The following GUCY1A2 variants were observed in gnomAD, a reference collection of about 807,000 sequenced individuals.
The protein encoded by GUCY1A2 is guanylate cyclase 1 soluble subunit alpha 2.
Under a neutral mutation model 63.5 loss-of-function variants are expected in GUCY1A2, and 27 were observed. That is an observed-to-expected ratio of 0.43 (90% CI 0.31 to 0.59). The LOEUF (loss-of-function observed/expected upper bound fraction) is 0.59, where lower values mean the gene tolerates loss of function less well. Among genes scored for constraint, GUCY1A2 ranks in the 20% least tolerant of loss-of-function variants. The pLI is 0.11. For synonymous variants in GUCY1A2, 364 were observed against 343.5 expected (o/e 1.06, Z -0.66); for missense variants, 768 against 913.3 (o/e 0.84, Z 2.05).
intron 3 of GUCY1A2, among the ~76,000 whole-genome samples, chr11:106,961,161 CCT>C (rs1234447472): frequency 6.6e-6 from 1 of 152,048 alleles, no homozygotes; most frequent in Non-Finnish European, 1.5e-5. Flanking sequence ...CAACTTGTGT[CCT>C]GCCACTCACC....
At chr11:106,987,250 T>G (rs1861413585) in intron 1 of GUCY1A2, among the ~76,000 whole-genome samples, 1 of 152,204 alleles carries the variant, frequency 6.6e-6, no homozygotes. Context: ...AAAGGCAATC[T>G]GCAGAAAGGG....
chr11:106,812,387 C>A (rs1202020130), intron 4 of GUCY1A2, among the ~76,000 whole-genome samples: 2 of 151,522 alleles, frequency 1.3e-5, no homozygotes, highest in African/African-American at 4.8e-5. Context: ...TGGAGTTACA[C>A]TTTTTTCACC....
At chr11:106,948,991 A>T (rs1464978012) in intron 3 of GUCY1A2, among the ~76,000 whole-genome samples, 1 of 152,206 alleles carries the variant, frequency 6.6e-6, no homozygotes, top group Non-Finnish European at 1.5e-5. Flanking sequence ...CATATAAAAA[A>T]GATGTAAAAA....
intron 4 of GUCY1A2, among the ~76,000 whole-genome samples, chr11:106,936,060 A>G (rs1380727080): frequency 6.6e-6 from 1 of 152,146 alleles, no homozygotes; most frequent in African/African-American, 2.4e-5. Flanking sequence ...GCCTGTTGAT[A>G]CTTTCACCAC....
intron 7 of GUCY1A2, among the ~76,000 whole-genome samples, chr11:106,700,512 GC>G (rs1209742372): frequency 6.6e-6 from 1 of 152,044 alleles, no homozygotes; most frequent in African/African-American, 2.4e-5. Flanking sequence ...ACTTTTATTG[GC>G]ACATTTAAAA....
At chr11:106,905,568 A>G (rs1860193404) in intron 4 of GUCY1A2, among the ~76,000 whole-genome samples, 1 of 152,060 alleles carries the variant, frequency 6.6e-6, no homozygotes. Flanking sequence ...AGTCCATATC[A>G]CTTAGAGAAT....
intron 4 of GUCY1A2, among the ~76,000 whole-genome samples, chr11:106,909,304 A>C (rs1388020538): frequency 6.6e-6 from 1 of 150,596 alleles, no homozygotes; most frequent in African/African-American, 2.4e-5. Flanking sequence ...TGGAAACAAT[A>C]TTGACATTGA....
At chr11:106,971,112 C>T (rs188000438) in intron 3 of GUCY1A2, among the ~76,000 whole-genome samples, 6 of 151,788 alleles carry the variant, frequency 4.0e-5, no homozygotes, top group African/African-American at 9.7e-5. Flanking sequence ...TAGAAGAGTG[C>T]AAGTATTTGG....
chr11:106,847,205 A>G (rs1259681783), intron 4 of GUCY1A2, among the ~76,000 whole-genome samples: 2 of 144,514 alleles, frequency 1.4e-5, no homozygotes, highest in Non-Finnish European at 3.0e-5. Context: ...CAAGATACAC[A>G]TTTGTTATAG....
intron 4 of GUCY1A2, among the ~76,000 whole-genome samples, chr11:106,889,789 T>G (rs766360703): frequency 5.9e-5 from 9 of 152,194 alleles, no homozygotes; most frequent in Non-Finnish European, 1.0e-4. Context: ...CTAAAGAAAC[T>G]GAAGCCTATA....
At chr11:106,948,009 A>T (rs1465016855) in intron 3 of GUCY1A2, among the ~76,000 whole-genome samples, 1 of 152,164 alleles carries the variant, frequency 6.6e-6, no homozygotes, top group South Asian at 2.1e-4. Context: ...GACGAATTAG[A>T]TAAATCAGAA....
chr11:107,001,072 A>G (rs1437296002), intron 1 of GUCY1A2, among the ~76,000 whole-genome samples: 4 of 152,222 alleles, frequency 2.6e-5, no homozygotes, highest in Non-Finnish European at 5.9e-5. Flanking sequence ...GGTAATATGA[A>G]TTTTTCTTCC....
intron 3 of GUCY1A2, among the ~76,000 whole-genome samples, chr11:106,963,591 A>T (rs886850226): frequency 6.6e-6 from 1 of 152,194 alleles, no homozygotes; most frequent in Non-Finnish European, 1.5e-5. Flanking sequence ...TTTCATCCTT[A>T]ATCTCCATAT....
intron 1 of GUCY1A2, among the ~76,000 whole-genome samples, chr11:107,016,794 G>A (rs950696848): frequency 4.6e-5 from 7 of 152,162 alleles, no homozygotes; most frequent in Non-Finnish European, 8.8e-5. Context: ...AGGTACAGGT[G>A]CAAGAAGTAC....
At position 106,815,332 on chromosome 11, in the gene GUCY1A2, T is replaced by C. The variant is rs573299601; in HGVS notation, c.1207-4854A>G. 4.6e-5 allele frequency among the ~76,000 whole-genome samples: 7 copies of C among 152,066 alleles called. No homozygotes were observed. The South Asian group carries it at 6.2e-4, about 14-fold the overall frequency. On this transcript the variant is annotated intron_variant, in intron 4 of 7. Transcript: ENST00000526355. ...TCATATCCTAAGAGTTCCAAAAGTA[T>C]AGGGGAGAGTGAGGTTGAAATAGTA...
In GUCY1A2 at chr11:106,989,318, C is replaced by A. The variant is rs7114753; in HGVS notation, c.304-3187G>T. Among the ~76,000 whole-genome samples the A allele has an allele frequency of 8.2e-3, 1,251 of 152,180 alleles. 11 individuals are homozygous for A. The highest frequency in any genetic ancestry group is 0.028 in the African/African-American group (1,161 of 41,522). ...GATGACCTTGGGCAATTTACTTAAGCTCTTCTGAAACAAGATTCCTTATGC... is the reference window on the plus strand; with the variant it reads ...GATGACCTTGGGCAATTTACTTAAGATCTTCTGAAACAAGATTCCTTATGC... On this transcript the variant is annotated intron_variant, in intron 1 of 7. Transcript: ENST00000526355.
In GUCY1A2 at chr11:106,734,907, T is replaced by A. The variant is rs192518899; in HGVS notation, c.1837-26241A>T. Among the ~76,000 whole-genome samples, 38 of 152,278 alleles carry A rather than the reference T, an allele frequency of 2.5e-4. No homozygotes were observed. The East Asian group carries it at 7.3e-3, about 29-fold the overall frequency. ...TAAGACATATCCTGGGTTCAGTGAT[T>A]TTAAACAACAGGAAGGAAAAAGGTG... On this transcript the variant is annotated intron_variant, in intron 6 of 7. Coordinates refer to ENST00000526355, the MANE Select transcript of GUCY1A2 (RefSeq NM_000855.3).
intron 4 of GUCY1A2, among the ~76,000 whole-genome samples, chr11:106,837,686 G>GA (rs1305692740): frequency 1.3e-5 from 2 of 151,712 alleles, no homozygotes; most frequent in Non-Finnish European, 2.9e-5. Context: ...TGTATTTATT[G>GA]AAAAAAGAAT....
chr11:106,926,397 C>G (rs1024286600), intron 4 of GUCY1A2, among the ~76,000 whole-genome samples: 8 of 150,870 alleles, frequency 5.3e-5, no homozygotes, highest in Non-Finnish European at 1.2e-4. Flanking sequence ...AGGATCAAAC[C>G]ACTGCACTCC....
Sources: allele counts gnomAD v4.1 joint callset (sites outside exome capture counted in the v4.1 genomes callset), GRCh38; gene constraint gnomAD v4.1.1; transcripts MANE v1.5; gene names NCBI Gene and HGNC (gene_info 2026-07-23, HGNC 2026-07-21).